Variants in WDHD1 observed in about 807,000 individuals in gnomAD.
The protein encoded by WDHD1 is WD repeat and HMG-box DNA binding protein 1.
A neutral mutation model predicts 135.4 loss-of-function variants in WDHD1; 111 were observed. The ratio of observed to expected loss-of-function variants is 0.82; its 90% confidence interval spans 0.70 to 0.96. WDHD1 has a LOEUF of 0.96. WDHD1 is among the 40% of genes least tolerant of loss of function. The probability of loss-of-function intolerance (pLI) is 0.00; values close to 1 mark genes in which losing one functional copy is unlikely to be tolerated. For missense variants in WDHD1, 1,351 were observed against 1,336.3 expected, an observed-to-expected ratio of 1.01 and a Z score of -0.17; for synonymous variants, 434 against 439.0, an observed-to-expected ratio of 0.99 and a Z score of 0.14.
At position 55,025,246 on chromosome 14, in the gene WDHD1, G is replaced by A. The variant is rs368036730; in HGVS notation, c.77+1465C>T. ...CTATGATGCAAAGACCTTTGTTCAC[G>A]TGTTTGTCTGCTGACCCTCTCCCCA... On this transcript the variant is annotated intron_variant, in intron 2 of 25. Coordinates refer to ENST00000360586, the MANE Select transcript of WDHD1 (RefSeq NM_007086.4). Among the ~76,000 whole-genome samples, 983 of 148,182 alleles carry A rather than the reference G, an allele frequency of 6.6e-3. 11 individuals carry two copies. The highest frequency in any genetic ancestry group is 0.023 in the African/African-American group (933 of 40,134).
chr14:54,958,220 A>C (rs1203615030), intron 21 of WDHD1, among the ~76,000 whole-genome samples: 2 of 150,446 alleles, frequency 1.3e-5, no homozygotes, highest in Admixed American at 1.3e-4. Context: ...TCCACCTCCC[A>C]GGTTCAGGCG....
intron 6 of WDHD1, among the ~76,000 whole-genome samples, chr14:55,007,781 A>G (rs1456364460): frequency 6.6e-6 from 1 of 152,222 alleles, no homozygotes; most frequent in East Asian, 1.9e-4. Context: ...ATTAAGGCAT[A>G]TTTGTGGAGG....
intron 21 of WDHD1, among the ~76,000 whole-genome samples, chr14:54,958,134 T>C (rs2041191130): frequency 6.6e-6 from 1 of 151,950 alleles, no homozygotes; most frequent in Non-Finnish European, 1.5e-5. Flanking sequence ...AGCCATTTTT[T>C]TTTTTTTTTG....
chr14:54,962,700 T>G lies in WDHD1; in HGVS notation c.2647+38A>C, dbSNP rs369663027. ...AAAATGGGAAAAGCCACATCCATGA[T>G]AGTTCTCATGATTTATGGGCTTGAA... On this transcript the variant is annotated intron_variant, in intron 20 of 25. Transcript: ENST00000360586. The G allele has an allele frequency of 6.2e-6, 10 of 1,601,424 alleles. No homozygotes were observed. The African/African-American group carries it at 1.3e-4, about 21-fold the overall frequency.
At chr14:54,970,618 C>A (rs1338112994) in intron 16 of WDHD1, among the ~76,000 whole-genome samples, 3 of 119,860 alleles carry the variant, frequency 2.5e-5, no homozygotes, top group Admixed American at 8.1e-5. Context: ...GAAGTCACAG[C>A]ACCAAAAAAA....
At chr14:54,984,897 G>A (rs1001371812) in intron 14 of WDHD1, 37 bp from the exon 15 acceptor site, 1 of 1,601,004 alleles carries the variant, frequency 6.2e-7, no homozygotes, top group Non-Finnish European at 8.5e-7. Flanking sequence ...AGGCATCAAA[G>A]GTTATCCAAC....
chr14:55,013,546 A>G lies in WDHD1; in HGVS notation c.128T>C (p.Leu43Ser), dbSNP rs759503748. 3.1e-6 allele frequency: 5 copies of G among 1,614,142 alleles called. No homozygotes were observed. The Admixed American group carries it at 6.7e-5, about 22-fold the overall frequency. The change falls in exon 3 of 26, where the codon TTG (leucine) becomes TCG (serine). Residue 43 changes from leucine (L) to serine (S), a missense_variant. Around this residue, in one of 2 missense-constraint regions of WDHD1, gnomAD observed 1,330 missense variants for 1,296.1 expected, o/e 1.03. Coordinates refer to ENST00000360586, the MANE Select transcript of WDHD1 (RefSeq NM_007086.4). ...SDGDVRIWED[L>S]DDDDPKFINV... ...AATGAACTTAGGATCATCATCATCC[A>G]AGTCTTCCCAAATCCTCACATCACC...
At chr14:55,000,482 T>C (rs1430353738) in intron 10 of WDHD1, 21 bp downstream of exon 10, 1 of 1,579,072 alleles carries the variant, frequency 6.3e-7, no homozygotes, top group Non-Finnish European at 8.6e-7. Flanking sequence ...GAAGAAACTG[T>C]TGTACCATAC....
intron 2 of WDHD1, among the ~76,000 whole-genome samples, chr14:55,025,057 A>T (rs1337676454): frequency 1.2e-5 from 1 of 84,466 alleles, no homozygotes; most frequent in African/African-American, 3.9e-5. Context: ...GGGCAATGGA[A>T]TGTCTCGGTA....
chr14:54,997,772 G>A (rs190643528), intron 10 of WDHD1, among the ~76,000 whole-genome samples: 2 of 152,068 alleles, frequency 1.3e-5, no homozygotes, highest in African/African-American at 2.4e-5. Context: ...TTAGCCAGGC[G>A]TGGGGGCACA....
intron 10 of WDHD1, among the ~76,000 whole-genome samples, chr14:54,996,748 C>A (rs984454991): frequency 1.3e-5 from 2 of 152,140 alleles, no homozygotes; most frequent in Non-Finnish European, 2.9e-5. Flanking sequence ...AATGAGAACA[C>A]CATTAACAGA....
intron 16 of WDHD1, among the ~76,000 whole-genome samples, chr14:54,973,108 T>C (rs115834293): frequency 2.0e-5 from 3 of 152,194 alleles, no homozygotes; most frequent in Non-Finnish European, 4.4e-5. Flanking sequence ...TGGAAAACCA[T>C]GACTGCACAC....
chr14:55,017,236 C>T (rs1400534080), intron 2 of WDHD1, among the ~76,000 whole-genome samples: 1 of 152,168 alleles, frequency 6.6e-6, no homozygotes, highest in African/African-American at 2.4e-5. Context: ...GAAAGAAGTG[C>T]TTTTAGAGTA....
Position 55,000,882 on chromosome 14 carries a change from A to G in WDHD1, c.800+4T>C, listed in dbSNP as rs780537327. ...GAAGAGACAAAAGATACACTAAATC[A>G]TACCTTTCCATGCAGTCTTTGGTTT... On this transcript the variant is annotated splice_donor_region_variant and intron_variant, in intron 9 of 25. Coordinates refer to ENST00000360586, the MANE Select transcript of WDHD1 (RefSeq NM_007086.4). 9.1e-6 allele frequency: 14 copies of G among 1,544,006 alleles called. No homozygotes were observed. In the Admixed American group the frequency reaches 1.6e-4, roughly 17 times the overall value.
intron 16 of WDHD1, among the ~76,000 whole-genome samples, chr14:54,975,532 G>C (rs999812830): frequency 1.3e-5 from 2 of 152,046 alleles, no homozygotes; most frequent in African/African-American, 4.8e-5. Flanking sequence ...ATTTTTAGTA[G>C]AGACAGGGTT....
chr14:55,010,416 G>A lies in WDHD1; in HGVS notation c.234C>T (p.Val78=), dbSNP rs368534314. 222 of 1,611,704 alleles carry A rather than the reference G, an allele frequency of 1.4e-4. No individual in the cohort carries two copies. The highest frequency in any genetic ancestry group is 6.9e-5 in the Non-Finnish European group (81 of 1,179,224). ...CTGGAACTCCTTCAGGAAATGTGTG[G>A]ACTTGAATAGTATTATTAGAAACTG... ...VTAVSNNTIQ[V]HTFPEGVPDG... Residue 78 remains valine (V), a synonymous_variant, in exon 4 of 26, where the codon GTC becomes GTT. Coordinates refer to ENST00000360586, the MANE Select transcript of WDHD1 (RefSeq NM_007086.4).
intron 2 of WDHD1, among the ~76,000 whole-genome samples, chr14:55,025,920 T>A: frequency 6.6e-6 from 1 of 152,218 alleles, no homozygotes; most frequent in East Asian, 1.9e-4. Context: ...TCAGATGGCG[T>A]CTCAAGAAAC....
rs778857825 is a variant in WDHD1, at chr14:55,000,499, T to C, written c.942+4A>G. ...AGAAACTGTTGTACCATACTCCCTTTTACCTTACTGCTTGATGTCTTTCCA... is the reference window on the plus strand; with the variant it reads ...AGAAACTGTTGTACCATACTCCCTTCTACCTTACTGCTTGATGTCTTTCCA... On this transcript the variant is annotated splice_donor_region_variant and intron_variant, in intron 10 of 25. Transcript: ENST00000360586. The C allele has an allele frequency of 8.1e-6, 13 of 1,600,140 alleles. No individual in the cohort carries two copies. The South Asian group carries it at 1.0e-4, about 13-fold the overall frequency.
intron 24 of WDHD1, among the ~76,000 whole-genome samples, chr14:54,949,471 A>G (rs1338180312): frequency 1.3e-5 from 2 of 152,168 alleles, no homozygotes; most frequent in Non-Finnish European, 2.9e-5. Flanking sequence ...AAAAAGAAAC[A>G]AACAAAGCCT....
Sources: allele counts gnomAD v4.1 joint callset (sites outside exome capture counted in the v4.1 genomes callset), GRCh38; gene constraint gnomAD v4.1.1; regional missense constraint gnomAD v4.1.1; transcripts MANE v1.5; gene names NCBI Gene and HGNC (gene_info 2026-07-23, HGNC 2026-07-21).